ADAMTS16: variants seen among roughly 807,000 people sequenced by gnomAD.
ADAMTS16 encodes the protein ADAM metallopeptidase with thrombospondin type 1 motif 16, also known as A disintegrin and metalloproteinase with thrombospondin motifs 16.
ADAMTS16 carries 94 observed loss-of-function variants against 145.8 expected under a neutral mutation model. The ratio of observed to expected loss-of-function variants is 0.64; its 90% CI spans 0.55 to 0.77. The LOEUF (loss-of-function observed/expected upper bound fraction) is 0.77, where lower values mean the gene tolerates loss of function less well. Ranked by LOEUF, ADAMTS16 falls within the 30% of genes least tolerant of loss-of-function variation. ADAMTS16 has a pLI of 0.00. For synonymous variants in ADAMTS16, 659 were observed against 604.3 expected, an observed-to-expected ratio of 1.09 and a Z score of -1.33; for missense variants, 1,585 against 1,591.5, an observed-to-expected ratio of 1.00 and a Z score of 0.07.
At chr5:5,184,753 C>T (rs1384185476) in intron 4 of ADAMTS16, among the ~76,000 whole-genome samples, 2 of 151,926 alleles carry the variant, frequency 1.3e-5, no homozygotes, top group African/African-American at 2.4e-5. Flanking sequence ...CAGTCATTTG[C>T]TGAGGGGTTT....
At chr5:5,222,658 A>G in intron 10 of ADAMTS16, 131 bp from the exon 11 acceptor site, 4 of 700,466 alleles carry the variant, frequency 5.7e-6, no homozygotes, top group Non-Finnish European at 9.9e-6. Flanking sequence ...ATATGCTATC[A>G]TATTGCTAAG....
At chr5:5,189,457 C>T (rs1455103416) in intron 6 of ADAMTS16, among the ~76,000 whole-genome samples, 1 of 152,208 alleles carries the variant, frequency 6.6e-6, no homozygotes, top group Non-Finnish European at 1.5e-5. Flanking sequence ...CCCACCTCCT[C>T]TCAGAAATAT....
At position 5,182,139 on chromosome 5, in the gene ADAMTS16, G is replaced by T. The variant is rs370658225; in HGVS notation, c.597G>T (p.Ser199=). 2.5e-6 allele frequency: 4 copies of T among 1,613,938 alleles called. No homozygotes were observed. The highest frequency in any genetic ancestry group is 3.4e-6 in the Non-Finnish European group (4 of 1,180,034). ...TCGGCAGAGCTGCCCAAGGCAGCTC[G>T]CCATCCCACGTACTGTACAAGAGAT... ...WKLGRAAQGS[S]PSHVLYKRST... Residue 199 remains serine, a synonymous_variant, in exon 4 of 23, where the codon TCG becomes TCT. Coordinates refer to ENST00000274181, the MANE Select transcript of ADAMTS16 (RefSeq NM_139056.4).
intron 4 of ADAMTS16, among the ~76,000 whole-genome samples, chr5:5,184,555 CTT>C (rs1034593655): frequency 2.6e-5 from 4 of 152,052 alleles, no homozygotes; most frequent in Non-Finnish European, 2.9e-5. Flanking sequence ...AAATGGGAGC[CTT>C]TTCTGTGTTC....
intron 21 of ADAMTS16, among the ~76,000 whole-genome samples, chr5:5,315,528 C>T (rs1318406931): frequency 1.3e-5 from 2 of 151,750 alleles, no homozygotes; most frequent in Non-Finnish European, 2.9e-5. Flanking sequence ...TCTGCCTGAG[C>T]CGCTTATCAT....
chr5:5,292,447 GA>G (rs1266770294), intron 18 of ADAMTS16, among the ~76,000 whole-genome samples: 1 of 151,838 alleles, frequency 6.6e-6, no homozygotes, highest in East Asian at 1.9e-4. Context: ...GCAGTGAACT[GA>G]GATTGTGCCA....
intron 17 of ADAMTS16, among the ~76,000 whole-genome samples, chr5:5,247,431 G>C (rs1001925150): frequency 5.9e-5 from 9 of 152,184 alleles, no homozygotes; most frequent in Admixed American, 5.9e-4. Flanking sequence ...AGAGAGTGGG[G>C]TGTATTCCTC....
At chr5:5,174,640 C>G (rs554976388) in intron 3 of ADAMTS16, among the ~76,000 whole-genome samples, 39 of 152,056 alleles carry the variant, frequency 2.6e-4, no homozygotes, top group African/African-American at 8.9e-4. Flanking sequence ...CTTTTTTATT[C>G]TTTTATTTTG....
intron 3 of ADAMTS16, among the ~76,000 whole-genome samples, chr5:5,175,395 C>T: frequency 6.6e-6 from 1 of 152,296 alleles, no homozygotes; most frequent in East Asian, 1.9e-4. Flanking sequence ...AGACAAAGTG[C>T]TCGTTAAACT....
intron 3 of ADAMTS16, among the ~76,000 whole-genome samples, chr5:5,159,354 C>G (rs904815378): frequency 6.6e-6 from 1 of 152,212 alleles, no homozygotes; most frequent in African/African-American, 2.4e-5. Context: ...AGCTAGCTCA[C>G]TACCCTGGGC....
At chr5:5,151,864 A>T (rs1248300855) in intron 3 of ADAMTS16, among the ~76,000 whole-genome samples, 3 of 152,082 alleles carry the variant, frequency 2.0e-5, no homozygotes, top group African/African-American at 7.2e-5. Flanking sequence ...GTAAGCTTGT[A>T]TTCTTTGACC....
chr5:5,232,575 C>A, intron 12 of ADAMTS16, 59 bp downstream of exon 12: 4 of 1,564,410 alleles, frequency 2.6e-6, no homozygotes, highest in Non-Finnish European at 3.5e-6. Flanking sequence ...ATGAACCCTC[C>A]AAGCAGTATG....
intron 3 of ADAMTS16, among the ~76,000 whole-genome samples, chr5:5,173,053 T>C (rs1400605113): frequency 6.6e-6 from 1 of 152,162 alleles, no homozygotes; most frequent in African/African-American, 2.4e-5. Context: ...GCCCTTTTTT[T>C]TCCCATCTGC....
chr5:5,249,005 A>C (rs1473860064), intron 17 of ADAMTS16, among the ~76,000 whole-genome samples: 2 of 152,230 alleles, frequency 1.3e-5, no homozygotes, highest in African/African-American at 4.8e-5. Context: ...ATTGGCTTAC[A>C]TAATTCACTG....
chr5:5,288,915 C>T (rs1176810126), intron 18 of ADAMTS16, among the ~76,000 whole-genome samples: 3 of 152,160 alleles, frequency 2.0e-5, no homozygotes, highest in Non-Finnish European at 4.4e-5. Flanking sequence ...ACAGGGTCCT[C>T]GGTGTCTCTA....
At chr5:5,228,173 C>G (rs1736822480) in intron 11 of ADAMTS16, among the ~76,000 whole-genome samples, 1 of 152,158 alleles carries the variant, frequency 6.6e-6, no homozygotes. Context: ...TTGAATGTAT[C>G]AAGTTGTTAG....
At chr5:5,152,225 C>T (rs1473543538) in intron 3 of ADAMTS16, among the ~76,000 whole-genome samples, 2 of 152,240 alleles carry the variant, frequency 1.3e-5, no homozygotes, top group East Asian at 3.8e-4. Context: ...ACCTCCAAGA[C>T]ACCGAATTGC....
intron 9 of ADAMTS16, among the ~76,000 whole-genome samples, chr5:5,202,374 T>TA (rs1560946839): frequency 6.6e-5 from 10 of 152,130 alleles, no homozygotes; most frequent in East Asian, 5.8e-4. Context: ...TGATCATTTT[T>TA]TAAAAAAAAA....
chr5:5,258,687 T>A (rs79201995), intron 17 of ADAMTS16, among the ~76,000 whole-genome samples: 3,163 of 151,224 alleles, frequency 0.021, 103 homozygotes, highest in African/African-American at 0.071. Flanking sequence ...TCCTGGGGAG[T>A]CAGAGGACAT....
Sources: allele counts gnomAD v4.1 joint callset (sites outside exome capture counted in the v4.1 genomes callset), GRCh38; gene constraint gnomAD v4.1.1; transcripts MANE v1.5; gene names NCBI Gene and HGNC (gene_info 2026-07-23, HGNC 2026-07-21).